Variants in TCF20 observed in about 807,000 individuals in gnomAD.
The protein encoded by TCF20 is transcription factor 20.
TCF20 carries 3 observed loss-of-function variants against 148.6 expected under a neutral mutation model. The observed-to-expected ratio is 0.02, with a 90% CI of 0.01 to 0.05. TCF20 has a LOEUF of 0.05. TCF20 is among the 10% of genes least tolerant of loss of function. The pLI, the probability that TCF20 is intolerant of heterozygous loss-of-function variation, is 1.00. For missense variants in TCF20, 2,350 were observed against 2,429.3 expected (o/e 0.97, Z 0.69); for synonymous variants, 1,049 against 909.5 (o/e 1.15, Z -2.76).
In TCF20 at chr22:42,209,799, G is replaced by A; in HGVS notation, c.5507C>T (p.Pro1836Leu). 1.2e-6 allele frequency: 2 copies of A among 1,614,192 alleles called. No individual in the cohort carries two copies. Among genetic ancestry groups the A allele is most frequent in the Non-Finnish European group, 1.7e-6 (2 of 1,180,042 alleles). The change falls in exon 2 of 6, where the codon CCT becomes CTT. Residue 1836 changes from proline to leucine, a missense_variant. Physicochemically the swap from Pro to Leu is moderately conservative, Grantham distance 98. This residue lies in a region of TCF20 where 374 missense variants were observed against 398.3 expected (regional missense o/e 0.94). Transcript: ENST00000677622. Reference protein sequence around the residue: ...PSVPTTSEGGPELELQIPELP... With the variant: ...PSVPTTSEGGLELELQIPELP... ...TTCAGGGATTTGTAACTCCAGCTCA[G>A]GGCCACCTTCTGAAGTGGTGGGCAC...
chr22:42,279,140 C>T lies in TCF20; in HGVS notation c.-37+4687G>A, dbSNP rs188228231. 2.9e-3 allele frequency among the ~76,000 whole-genome samples: 439 copies of T among 152,300 alleles called. 1 individual carries two copies. The highest frequency in any genetic ancestry group is 4.5e-3 in the Non-Finnish European group (306 of 68,008). On this transcript the variant is annotated intron_variant, in intron 1 of 5. Coordinates refer to the TCF20 transcript ENST00000359486. The surrounding 1 kb of genome is among the most constrained non-coding windows in gnomAD (Gnocchi z 4.3). Reference sequence around the variant, plus strand: ...TAGGGCTCTCTAGGCTTCCTTTACCCGTCCTGCCTCAGATGGACTCCCAGC... The same window carrying T: ...TAGGGCTCTCTAGGCTTCCTTTACCTGTCCTGCCTCAGATGGACTCCCAGC...
intron 2 of TCF20, among the ~76,000 whole-genome samples, chr22:42,206,069 C>T (rs755259867): frequency 5.3e-5 from 8 of 152,130 alleles, no homozygotes; most frequent in East Asian, 1.9e-4. Context: ...CCATCATGCT[C>T]GGCCCAAGAC....
chr22:42,340,651 G>C (rs1194193735), intron 1 of TCF20, among the ~76,000 whole-genome samples: 2 of 151,908 alleles, frequency 1.3e-5, no homozygotes, highest in Non-Finnish European at 2.9e-5. Flanking sequence ...CCCACCCTGA[G>C]AGCACAACCA....
chr22:42,318,430 G>A (rs1927673422), intron 1 of TCF20, among the ~76,000 whole-genome samples: 1 of 152,190 alleles, frequency 6.6e-6, no homozygotes, highest in Admixed American at 6.5e-5. Flanking sequence ...GGAGAGGGGA[G>A]GAGGAGGAGG....
intron 1 of TCF20, among the ~76,000 whole-genome samples, chr22:42,217,889 T>C (rs1295060312): frequency 6.6e-6 from 1 of 152,190 alleles, no homozygotes; most frequent in Non-Finnish European, 1.5e-5. Context: ...TCTTGAAATA[T>C]CGTAAGTCTA....
chr22:42,276,247 T>C (rs1413565834), intron 1 of TCF20: 2 of 152,242 alleles, frequency 1.3e-5, no homozygotes, highest in African/African-American at 4.8e-5. Flanking sequence ...AACGCAGCCA[T>C]GATAACGGCC....
exon 1 of TCF20, among the ~76,000 whole-genome samples, chr22:42,283,861 A>G (rs1926968821): frequency 6.6e-6 from 1 of 152,204 alleles, no homozygotes; most frequent in African/African-American, 2.4e-5. Flanking sequence ...CCCTTGCCCC[A>G]GACCCCTTGC....
intron 2 of TCF20, among the ~76,000 whole-genome samples, chr22:42,184,367 G>A (rs1936942767): frequency 6.6e-6 from 1 of 151,956 alleles, no homozygotes; most frequent in Non-Finnish European, 1.5e-5. Context: ...TCCAACATTT[G>A]AAAAGTACTT....
At chr22:42,223,878 A>G (rs536205647) in intron 1 of TCF20, among the ~76,000 whole-genome samples, 1 of 152,312 alleles carries the variant, frequency 6.6e-6, no homozygotes, top group South Asian at 2.1e-4. Flanking sequence ...GGCAGAGCCT[A>G]TATTTTTCTC....
At chr22:42,178,200 T>A (rs1427216749) in intron 3 of TCF20, among the ~76,000 whole-genome samples, 1 of 152,216 alleles carries the variant, frequency 6.6e-6, no homozygotes, top group Non-Finnish European at 1.5e-5. Flanking sequence ...TTCTTTCATG[T>A]GGCTGTTCAT....
intron 1 of TCF20, among the ~76,000 whole-genome samples, chr22:42,324,046 GTGGTGGTGGTGGTGA>G (rs1927810902): frequency 8.0e-6 from 1 of 124,948 alleles, no homozygotes; most frequent in African/African-American, 2.7e-5. Flanking sequence ...GGTTATGGTG[GTGGTGGTGGTGGTGA>G]TGGAGGTTAT....
chr22:42,231,556 A>G (rs994155756), intron 1 of TCF20, among the ~76,000 whole-genome samples: 4 of 152,194 alleles, frequency 2.6e-5, no homozygotes, highest in African/African-American at 9.6e-5. Flanking sequence ...ACAGCTGCAC[A>G]ATGTATTTGT....
rs376613460 is a variant in TCF20, at chr22:42,211,712, G to A, written c.3594C>T (p.Ala1198=). The A allele has an allele frequency of 9.7e-5, 157 of 1,614,042 alleles. No homozygotes were observed. The highest frequency in any genetic ancestry group is 1.3e-4 in the Non-Finnish European group (150 of 1,180,040). ...ACATTCCTGGAGGACCGCTGCTTTTGGCTGGAGAAGTTTGCCGAGAAAGAT... is the reference window on the plus strand; with the variant it reads ...ACATTCCTGGAGGACCGCTGCTTTTAGCTGGAGAAGTTTGCCGAGAAAGAT... ...CWDLSRQTSP[A]KSSGPPGMSS... is the part of the protein sequence containing the mutation. The change falls in exon 2 of 6, where the codon GCC becomes GCT. Residue 1198 remains alanine, a synonymous_variant. Transcript: ENST00000677622.
chr22:42,215,762 C>T (rs1021552521), intron 1 of TCF20, among the ~76,000 whole-genome samples: 1 of 152,130 alleles, frequency 6.6e-6, no homozygotes, highest in African/African-American at 2.4e-5. Context: ...TGAGCCACCA[C>T]GCCTGACCTT....
At chr22:42,226,828 A>G (rs1395468186) in intron 1 of TCF20, among the ~76,000 whole-genome samples, 2 of 152,252 alleles carry the variant, frequency 1.3e-5, no homozygotes, top group Non-Finnish European at 2.9e-5. Context: ...GACTTCACTG[A>G]ACAACCCAAA....
chr22:42,173,032 T>G (rs1170627125), intron 3 of TCF20, among the ~76,000 whole-genome samples: 3 of 151,452 alleles, frequency 2.0e-5, no homozygotes, highest in African/African-American at 7.3e-5. Flanking sequence ...ACCAGCAAGA[T>G]CAAAGTCTGC....
At chr22:42,273,233 G>A (rs576226963), upstream of TCF20, among the ~76,000 whole-genome samples, 108 of 151,816 alleles carry the variant, frequency 7.1e-4, no homozygotes, top group African/African-American at 2.5e-3. Context: ...GGTGGCGGGC[G>A]CCTGTAATCC....
At chr22:42,333,733 C>T (rs905580086) in intron 1 of TCF20, among the ~76,000 whole-genome samples, 10 of 152,244 alleles carry the variant, frequency 6.6e-5, no homozygotes, top group Non-Finnish European at 1.5e-5. Flanking sequence ...TAACTCACTG[C>T]CCACAGCCAC....
At chr22:42,230,290 G>A (rs540397939) in intron 1 of TCF20, among the ~76,000 whole-genome samples, 6 of 152,320 alleles carry the variant, frequency 3.9e-5, no homozygotes, top group African/African-American at 1.4e-4. Flanking sequence ...TGGTGATGCT[G>A]TAGCTGTCAT....
Sources: allele counts gnomAD v4.1 joint callset (sites outside exome capture counted in the v4.1 genomes callset), GRCh38; gene constraint gnomAD v4.1.1; regional missense constraint gnomAD v4.1.1; non-coding constraint Gnocchi (gnomAD v3.1); transcripts MANE v1.5; gene names NCBI Gene and HGNC (gene_info 2026-07-23, HGNC 2026-07-21).